The following CLIP2 variants were observed in gnomAD, a reference collection of about 807,000 sequenced individuals.
CLIP2 encodes the protein CAP-Gly domain-containing linker protein 2.
CLIP2 carries 41 observed loss-of-function variants against 111.7 expected under a neutral mutation model. The ratio of observed to expected loss-of-function variants is 0.37; its 90% CI spans 0.29 to 0.48. The LOEUF (loss-of-function observed/expected upper bound fraction) is 0.48. Among genes scored for constraint, CLIP2 ranks in the 20% least tolerant of loss-of-function variants. The pLI, the probability that CLIP2 is intolerant of heterozygous loss-of-function variation, is 0.99. For synonymous variants in CLIP2, 660 were observed against 644.2 expected (o/e 1.02, Z -0.37); for missense variants, 1,160 against 1,422.1 (o/e 0.82, Z 2.96).
At chr7:74,392,588 A>G (rs2116696981) in intron 13 of CLIP2, among the ~76,000 whole-genome samples, 1 of 152,160 alleles carries the variant, frequency 6.6e-6, no homozygotes, top group East Asian at 1.9e-4. Flanking sequence ...GCACTTTGGG[A>G]GGCCGAGGCA....
intron 8 of CLIP2, 104 bp from the exon 9 acceptor site, chr7:74,372,828 C>T: frequency 3.2e-6 from 2 of 628,208 alleles, no homozygotes; most frequent in Non-Finnish European, 5.5e-6. Context: ...CGCCTCCTCT[C>T]TCTCTCTCTC....
intron 2 of CLIP2, among the ~76,000 whole-genome samples, chr7:74,332,698 C>A (rs1459893464): frequency 6.6e-6 from 1 of 152,116 alleles, no homozygotes; most frequent in Non-Finnish European, 1.5e-5. Flanking sequence ...GTGGGAAATA[C>A]CCACACCCAC....
chr7:74,292,321 G>C (rs1554725495), intron 1 of CLIP2, among the ~76,000 whole-genome samples: 1 of 151,992 alleles, frequency 6.6e-6, no homozygotes, highest in Non-Finnish European at 1.5e-5. Context: ...ATTGGTTCTT[G>C]TGAGAACTTC....
Position 74,399,542 on chromosome 7 carries a change from T to TTG in CLIP2, c.2881-828_2881-827insTG, listed in dbSNP as rs1491240525. Reference sequence around the variant, plus strand: ...AATAGAGTGAGACTCAGTCTTTTTTTGGGGGGGGGGGGGTGGGGACCAAGT... The same window carrying TTG: ...AATAGAGTGAGACTCAGTCTTTTTTTTGGGGGGGGGGGGGGTGGGGACCAAGT... On this transcript the variant is annotated intron_variant, in intron 14 of 16. Coordinates refer to ENST00000223398, the MANE Select transcript of CLIP2 (RefSeq NM_003388.5). Among the ~76,000 whole-genome samples, 8 of 44,602 alleles carry TTG rather than the reference T, an allele frequency of 1.8e-4. 1 individual carries two copies. The highest frequency in any genetic ancestry group is 1.4e-3 in the South Asian group (1 of 740). 29.3% of individuals were successfully genotyped at this position (44,602 alleles called of 152,430 possible).
Position 74,376,578 on chromosome 7 carries a change from G to T in CLIP2, c.2177G>T (p.Arg726Leu), listed in dbSNP as rs200927251. 1 of 1,610,776 alleles carries T rather than the reference G, an allele frequency of 6.2e-7. No individual in the cohort carries two copies. The highest frequency in any genetic ancestry group is 8.5e-7 in the Non-Finnish European group (1 of 1,178,956). ...CTGCAGGAGGCCCAGGACCAGCGCC[G>T]GGATGCCGAGCTGCGTGTGCACGAG... is the stretch of plus-strand genomic sequence containing the variant. ...LELQEAQDQR[R>L]DAELRVHELE... The change falls in exon 10 of 17, where the codon CGG (arginine) becomes CTG (leucine). Residue 726 changes from arginine (R) to leucine (L), a missense_variant. Coordinates refer to ENST00000223398, the MANE Select transcript of CLIP2 (RefSeq NM_003388.5). The surrounding 1 kb of genome is among the most constrained non-coding windows in gnomAD (Gnocchi z 7.1).
chr7:74,346,441 A>C (rs182230343), intron 3 of CLIP2, among the ~76,000 whole-genome samples: 27 of 152,278 alleles, frequency 1.8e-4, no homozygotes, highest in Admixed American at 7.2e-4. Flanking sequence ...AAGTCTTTGC[A>C]TCTGGGCACA....
At chr7:74,332,371 G>A (rs1468179008) in intron 2 of CLIP2, among the ~76,000 whole-genome samples, 2 of 151,296 alleles carry the variant, frequency 1.3e-5, no homozygotes, top group East Asian at 1.9e-4. Context: ...ACTGTGCCCC[G>A]TGTAATTTTT....
At chr7:74,402,317 G>A (rs1197991532) in intron 16 of CLIP2, among the ~76,000 whole-genome samples, 3 of 133,296 alleles carry the variant, frequency 2.3e-5, no homozygotes, top group African/African-American at 2.9e-5. Flanking sequence ...GCGACAGAGC[G>A]AGACTCCATC....
At position 74,289,545 on chromosome 7, in the gene CLIP2, G is replaced by T. The variant is rs2116424496; in HGVS notation, c.-257G>T. On this transcript the variant is annotated 5_prime_UTR_variant, in exon 1 of 17. Coordinates refer to ENST00000223398, the MANE Select transcript of CLIP2 (RefSeq NM_003388.5). Reference sequence around the variant, plus strand: ...GCGCGCCTCCCGCCTTCCCAGAGACGTGGCGCGAGGCCCGGGCCCTGAGCA... The same window carrying T: ...GCGCGCCTCCCGCCTTCCCAGAGACTTGGCGCGAGGCCCGGGCCCTGAGCA... 1 of 151,664 alleles carries T rather than the reference G, an allele frequency of 6.6e-6. No individual in the cohort carries two copies. Among genetic ancestry groups the T allele is most frequent in the East Asian group, 1.9e-4 (1 of 5,154 alleles). The allele number at this position is 151,664 out of a possible 1,614,324, so 9.4% of individuals were successfully genotyped here. A position where few individuals can be genotyped will look rare whatever the true frequency, so the allele number is the denominator to read the frequency against.
intron 9 of CLIP2, among the ~76,000 whole-genome samples, chr7:74,373,908 C>G (rs1790706948): frequency 6.6e-6 from 1 of 151,924 alleles, no homozygotes; most frequent in East Asian, 1.9e-4. Flanking sequence ...TGGAGGTGTC[C>G]CCAGGGAATG....
chr7:74,311,932 AG>A (rs34113700), intron 1 of CLIP2, among the ~76,000 whole-genome samples: 80,175 of 142,030 alleles, frequency 0.56, 24,423 homozygotes, highest in Non-Finnish European at 0.7. Flanking sequence ...AAAAAAAAAA[AG>A]AAAGAAAGAA....
intron 8 of CLIP2, among the ~76,000 whole-genome samples, chr7:74,370,293 A>G (rs183539302): frequency 0.021 from 3,233 of 151,710 alleles, 58 homozygotes; most frequent in Non-Finnish European, 0.032. Context: ...TGTCTCTACT[A>G]AAAATACAAA....
chr7:74,400,562 C>T lies in CLIP2; in HGVS notation c.3066+7C>T, dbSNP rs374391995. ...CTGCCCTGACAAGGCCCAGGTGAGC[C>T]GCGGCTGACAGGGCCCACCAGGAGG... On this transcript the variant is annotated splice_region_variant and intron_variant, in intron 15 of 16. Coordinates refer to ENST00000223398, the MANE Select transcript of CLIP2 (RefSeq NM_003388.5). 20 of 1,540,916 alleles carry T rather than the reference C, an allele frequency of 1.3e-5. No homozygotes were observed. The highest frequency in any genetic ancestry group is 1.6e-5 in the Non-Finnish European group (18 of 1,141,216).
intron 3 of CLIP2, among the ~76,000 whole-genome samples, chr7:74,345,697 A>C (rs185558918): frequency 1.6e-4 from 24 of 151,756 alleles, no homozygotes; most frequent in Admixed American, 1.4e-3. Flanking sequence ...AGGTACAAAA[A>C]TTAGCCGGGC....
At chr7:74,305,855 A>ACCCCCCCCCCCCC (rs1478628381) in intron 1 of CLIP2, among the ~76,000 whole-genome samples, 12 of 52,284 alleles carry the variant, frequency 2.3e-4, no homozygotes, top group African/African-American at 8.4e-4. Flanking sequence ...CTGCACCCCA[A>ACCCCCCCCCCCCC]CCCCCCCCCA....
intron 9 of CLIP2, among the ~76,000 whole-genome samples, chr7:74,374,226 C>T (rs1790714668): frequency 6.6e-6 from 1 of 152,234 alleles, no homozygotes; most frequent in South Asian, 2.1e-4. Context: ...GCACAAGTGG[C>T]TGTGTGCATG....
Position 74,339,009 on chromosome 7 carries a change from G to T in CLIP2, c.678+5G>T. ...CGCCTGGGGGACCGCGTGCTGGTGAGTGCGGGCAGTACTGGGCTCTGGGCC... is the reference window on the plus strand; with the variant it reads ...CGCCTGGGGGACCGCGTGCTGGTGATTGCGGGCAGTACTGGGCTCTGGGCC... On this transcript the variant is annotated splice_donor_5th_base_variant and intron_variant, in intron 3 of 16. Transcript: ENST00000223398. The T allele has an allele frequency of 6.3e-7, 1 of 1,593,288 alleles. No individual in the cohort carries two copies. Among genetic ancestry groups the T allele is most frequent in the South Asian group, 1.1e-5 (1 of 90,384 alleles).
intron 3 of CLIP2, among the ~76,000 whole-genome samples, chr7:74,347,531 G>A (rs1554306580): frequency 6.6e-6 from 1 of 152,130 alleles, no homozygotes; most frequent in African/African-American, 2.4e-5. Context: ...GCCTCCCAAA[G>A]TGCTGGGATT....
rs1025002043 is a variant in CLIP2 at position 74,364,196 on chromosome 7, C to T, written c.1320-59C>T. On this transcript the variant is annotated intron_variant, in intron 7 of 16. Transcript: ENST00000223398. ...TTGCCTCTCTCTGCTGTTGCTCATTCGGTGAATCCCGTTGCTCTGGGCAAA... is the reference window on the plus strand; with the variant it reads ...TTGCCTCTCTCTGCTGTTGCTCATTTGGTGAATCCCGTTGCTCTGGGCAAA... The T allele has an allele frequency of 2.9e-5, 43 of 1,493,078 alleles. 1 individual carries two copies. The highest frequency in any genetic ancestry group is 1.8e-4 in the Admixed American group (10 of 54,768). 92.5% of individuals were successfully genotyped at this position (1,493,078 alleles called of 1,614,324 possible).
Sources: allele counts gnomAD v4.1 joint callset (sites outside exome capture counted in the v4.1 genomes callset), GRCh38; gene constraint gnomAD v4.1.1; non-coding constraint Gnocchi (gnomAD v3.1); transcripts MANE v1.5; gene names NCBI Gene and HGNC (gene_info 2026-07-23, HGNC 2026-07-21).